The following CDH13 variants were observed in gnomAD, a reference collection of about 807,000 sequenced individuals.
CDH13 encodes cadherin 13, also known as cadherin-13.
In CDH13, 24 loss-of-function variants were observed where a neutral mutation model predicts 63.8. The ratio of observed to expected loss-of-function variants is 0.38; its 90% CI spans 0.27 to 0.53. The LOEUF is 0.53. CDH13 is among the 20% of genes least tolerant of loss of function. The probability of loss-of-function intolerance (pLI) is 0.85; values close to 1 mark genes in which losing one functional copy is unlikely to be tolerated. For missense variants in CDH13, 1,049 were observed against 903.1 expected, an observed-to-expected ratio of 1.16 and a Z score of -2.07; for synonymous variants, 503 against 355.3, an observed-to-expected ratio of 1.42 and a Z score of -4.67.
chr16:83,274,076 C>G (rs1048783973), intron 5 of CDH13, among the ~76,000 whole-genome samples: 12 of 152,316 alleles, frequency 7.9e-5, no homozygotes, highest in African/African-American at 2.6e-4. Context: ...CCTCTTCAAG[C>G]CAATCTTACA....
intron 6 of CDH13, among the ~76,000 whole-genome samples, chr16:83,403,879 A>G (rs1418634406): frequency 6.6e-6 from 1 of 152,232 alleles, no homozygotes; most frequent in Non-Finnish European, 1.5e-5. Flanking sequence ...GTGATTTACA[A>G]TAAAAGAATG....
chr16:83,266,793 A>C (rs2151841286), intron 5 of CDH13, among the ~76,000 whole-genome samples: 1 of 152,238 alleles, frequency 6.6e-6, no homozygotes, highest in East Asian at 1.9e-4. Context: ...TTTCTTCTGG[A>C]ATCCTCTCTT....
chr16:82,785,057 C>T (rs370726554), intron 1 of CDH13, among the ~76,000 whole-genome samples: 1 of 152,104 alleles, frequency 6.6e-6, no homozygotes, highest in Non-Finnish European at 1.5e-5. Context: ...GTAGCATGAT[C>T]AGCTGTGCTT....
intron 1 of CDH13, among the ~76,000 whole-genome samples, chr16:82,636,928 G>C (rs1908727687): frequency 6.6e-6 from 1 of 152,148 alleles, no homozygotes; most frequent in Non-Finnish European, 1.5e-5. Context: ...CATGGACCTG[G>C]ATCCTGTTTC....
chr16:83,772,770 C>A (rs1914843524), intron 11 of CDH13: 1 of 152,522 alleles, frequency 6.6e-6, no homozygotes, highest in Non-Finnish European at 1.5e-5. Flanking sequence ...CACCTCACTT[C>A]CCTGCTTCTG....
At chr16:83,008,875 T>C (rs1913824962) in intron 2 of CDH13, among the ~76,000 whole-genome samples, 1 of 152,172 alleles carries the variant, frequency 6.6e-6, no homozygotes, top group African/African-American at 2.4e-5. Context: ...CAGTTCAGCA[T>C]GGCTGGGGAG....
intron 6 of CDH13, among the ~76,000 whole-genome samples, chr16:83,471,349 A>G (rs1165827396): frequency 2.2e-5 from 3 of 138,780 alleles, no homozygotes; most frequent in African/African-American, 8.2e-5. Flanking sequence ...ATCTCAGCTC[A>G]CTGCAACCTC....
chr16:83,372,888 A>G (rs1597857872), intron 6 of CDH13, among the ~76,000 whole-genome samples: 2 of 152,236 alleles, frequency 1.3e-5, no homozygotes, highest in African/African-American at 2.4e-5. Context: ...GACAAAACAC[A>G]GAATCCTCAC....
chr16:82,816,469 A>T (rs2037715933), intron 1 of CDH13, among the ~76,000 whole-genome samples: 1 of 152,126 alleles, frequency 6.6e-6, no homozygotes, highest in South Asian at 2.1e-4. Flanking sequence ...CAAGGAGGAT[A>T]GAGTTGGGGA....
intron 13 of CDH13, among the ~76,000 whole-genome samples, chr16:83,787,134 A>G (rs942298932): frequency 1.2e-4 from 19 of 152,160 alleles, no homozygotes; most frequent in African/African-American, 4.6e-4. Context: ...AACCTCCTGT[A>G]ATTCATATTA....
At chr16:83,724,751 G>T (rs143530776) in intron 10 of CDH13, among the ~76,000 whole-genome samples, 1 of 152,142 alleles carries the variant, frequency 6.6e-6, no homozygotes, top group South Asian at 2.1e-4. Flanking sequence ...CAGTGTCAGC[G>T]TCAGGAGCAA....
rs1261803335 is a variant in CDH13 at position 83,032,013 on chromosome 16, C to G, written c.161C>G (p.Thr54Ser). 2 of 1,584,240 alleles carry G rather than the reference C, an allele frequency of 1.3e-6. No homozygotes were observed. The highest frequency in any genetic ancestry group is 4.6e-5 in the East Asian group (2 of 43,484). The change falls in exon 3 of 14, where the codon ACC becomes AGC. Residue 54 changes from threonine (T) to serine (S), a missense_variant. Coordinates refer to ENST00000567109, the MANE Select transcript of CDH13 (RefSeq NM_001257.5). ...FIEDQSILNL[T>S]FSDCKGNDKL... The stretch of plus-strand genomic sequence containing the variant: ...TGTTGTTTCGTTTGTTTCCCAGTGA[C>G]CTTCAGTGACTGTAAGGGAAACGAC...
At chr16:83,407,883 G>A (rs926556406) in intron 6 of CDH13, among the ~76,000 whole-genome samples, 1 of 152,140 alleles carries the variant, frequency 6.6e-6, no homozygotes, top group Non-Finnish European at 1.5e-5. Flanking sequence ...AACTGAGTAT[G>A]CATGGCATTT....
intron 2 of CDH13, among the ~76,000 whole-genome samples, chr16:82,965,829 G>T (rs1048251534): frequency 1.1e-4 from 17 of 152,172 alleles, no homozygotes; most frequent in African/African-American, 3.6e-4. Flanking sequence ...CTGTTTTGGA[G>T]TATTAGCCCA....
Position 83,609,025 on chromosome 16 carries a change from C to A in CDH13, c.1101+6431C>A, listed in dbSNP as rs1483103105. Reference sequence around the variant, plus strand: ...CTCTGTGTCATCAAGAGTTTAGAAACTTTTTTTTTGTTTTTGCTTTCACAA... The same window carrying A: ...CTCTGTGTCATCAAGAGTTTAGAAAATTTTTTTTTGTTTTTGCTTTCACAA... On this transcript the variant is annotated intron_variant, in intron 8 of 13. Transcript: ENST00000567109. Among the ~76,000 whole-genome samples, 3 of 151,416 alleles carry A rather than the reference C, an allele frequency of 2.0e-5. No homozygotes were observed. In the South Asian group the frequency reaches 6.3e-4, roughly 32 times the overall value.
intron 7 of CDH13, among the ~76,000 whole-genome samples, chr16:83,490,381 T>C (rs2073987040): frequency 6.6e-6 from 1 of 152,170 alleles, no homozygotes; most frequent in Non-Finnish European, 1.5e-5. Flanking sequence ...GGCTTGTAAC[T>C]GAGGATAGTC....
intron 7 of CDH13, among the ~76,000 whole-genome samples, chr16:83,530,094 A>G (rs2075050820): frequency 6.6e-6 from 1 of 152,176 alleles, no homozygotes; most frequent in African/African-American, 2.4e-5. Context: ...TTCTAAACCC[A>G]TGGCTCTGCG....
chr16:83,503,396 C>T (rs34886495), intron 7 of CDH13, among the ~76,000 whole-genome samples: 2 of 152,084 alleles, frequency 1.3e-5, no homozygotes, highest in Admixed American at 6.5e-5. Context: ...GATAACAACA[C>T]GCCACATCTA....
chr16:83,688,656 A>C (rs1436367318), intron 10 of CDH13, among the ~76,000 whole-genome samples: 3 of 152,178 alleles, frequency 2.0e-5, no homozygotes, highest in African/African-American at 7.2e-5. Context: ...TTTTTAAGTC[A>C]ACAAACACAG....
Sources: allele counts gnomAD v4.1 joint callset (sites outside exome capture counted in the v4.1 genomes callset), GRCh38; gene constraint gnomAD v4.1.1; transcripts MANE v1.5; gene names NCBI Gene and HGNC (gene_info 2026-07-23, HGNC 2026-07-21).